EP400: variants seen among roughly 807,000 people sequenced by gnomAD.
EP400 encodes the protein E1A-binding protein p400.
EP400 carries 105 observed loss-of-function variants against 354.1 expected under a neutral mutation model. The ratio of observed to expected loss-of-function variants is 0.30; its 90% confidence interval spans 0.25 to 0.35. The LOEUF (loss-of-function observed/expected upper bound fraction) is 0.35, where lower values mean the gene tolerates loss of function less well. EP400 is among the 10% of genes least tolerant of loss of function. The pLI, the probability that EP400 is intolerant of heterozygous loss-of-function variation, is 1.00. For synonymous variants in EP400, 1,646 were observed against 1,716.9 expected (o/e 0.96, Z 1.02); for missense variants, 3,280 against 4,121.0 (o/e 0.80, Z 5.59).
chr12:131,991,140 T>A (rs1024967142), intron 9 of EP400, among the ~76,000 whole-genome samples: 2 of 152,158 alleles, frequency 1.3e-5, no homozygotes, highest in Non-Finnish European at 2.9e-5. Flanking sequence ...TTCCTTTGCC[T>A]CTGAGGACAC....
At chr12:132,004,702 T>C (rs1010161676) in intron 12 of EP400, among the ~76,000 whole-genome samples, 3 of 152,204 alleles carry the variant, frequency 2.0e-5, no homozygotes, top group Non-Finnish European at 2.9e-5. Context: ...TTTGCATAAA[T>C]TTCAGGGGTG....
Position 132,013,105 on chromosome 12 carries a change from C to T in EP400, c.3538C>T (p.Leu1180=), listed in dbSNP as rs768587029. The change falls in exon 17 of 53, where the codon CTG becomes TTG. Residue 1180 remains leucine, a synonymous_variant. Transcript: ENST00000389561. The surrounding 1 kb of genome is among the most constrained non-coding windows in gnomAD (Gnocchi z 4.5). ...CTTCACACGAGTGCGCTGGAAGTGC[C>T]TGGTCATTGATGAGATGCAGCGCGT... ...TAFTRVRWKC[L]VIDEMQRVKG... is the part of the protein sequence containing the mutation. 7 of 1,614,136 alleles carry T rather than the reference C, an allele frequency of 4.3e-6. No individual in the cohort carries two copies. In the South Asian group the frequency reaches 6.6e-5, roughly 15 times the overall value.
Position 132,043,410 on chromosome 12 carries a change from C to A in EP400, c.6314C>A (p.Pro2105Gln). ...CTGTCATCAGACTCTGAGAACATGC[C>A]GTGTGATGAAGAACCATCCCAATTA... ...DALSSDSENM[P>Q]CDEEPSQLEE... Residue 2105 changes from proline (P) to glutamine (Q), a missense_variant, in exon 33 of 53, where the codon CCG (proline) becomes CAG (glutamine). Pro to Gln is a moderately conservative substitution (Grantham distance 76). This residue lies in a region of EP400 where 54 missense variants were observed against 41.3 expected (regional missense o/e 1.31). Coordinates refer to ENST00000389561, the MANE Select transcript of EP400 (RefSeq NM_015409.5). 1.2e-6 allele frequency: 2 copies of A among 1,613,560 alleles called. No homozygotes were observed. The highest frequency in any genetic ancestry group is 1.1e-5 in the South Asian group (1 of 91,040).
At position 132,029,827 on chromosome 12, in the gene EP400, C is replaced by T; in HGVS notation, c.5508C>T (p.Tyr1836=). ...RQGLREHAAP[Y]FQQLRQTTAP... ...GCCTGAGAGAGCACGCTGCGCCGTACTTCCAGCAGCTGCGGCAGACCACGG... is the reference window on the plus strand; with the variant it reads ...GCCTGAGAGAGCACGCTGCGCCGTATTTCCAGCAGCTGCGGCAGACCACGG... Residue 1836 remains tyrosine (Y), a synonymous_variant, in exon 28 of 53, where the codon TAC becomes TAT. Coordinates refer to ENST00000389561, the MANE Select transcript of EP400 (RefSeq NM_015409.5). The surrounding 1 kb of genome is among the most constrained non-coding windows in gnomAD (Gnocchi z 4.7). 1 of 1,613,360 alleles carries T rather than the reference C, an allele frequency of 6.2e-7. No homozygotes were observed. The highest frequency in any genetic ancestry group is 1.1e-5 in the South Asian group (1 of 91,090).
intron 2 of EP400, among the ~76,000 whole-genome samples, chr12:131,963,828 A>T (rs950306819): frequency 1.3e-5 from 2 of 152,214 alleles, no homozygotes; most frequent in Admixed American, 1.3e-4. Context: ...TAATGATGAC[A>T]CAGATCTTAG....
intron 30 of EP400, 85 bp from the exon 31 acceptor site, chr12:132,037,597 T>C: frequency 9.2e-7 from 1 of 1,081,840 alleles, no homozygotes; most frequent in Admixed American, 1.8e-5. Context: ...CGTGGATTCG[T>C]TGATCACCAT....
chr12:132,053,664 G>A, intron 43 of EP400, 67 bp downstream of exon 43: 1 of 1,421,776 alleles, frequency 7.0e-7, no homozygotes, highest in East Asian at 2.6e-5. Context: ...CTTGATTCAA[G>A]TGCTTTCTGT....
intron 22 of EP400, 21 bp from the exon 23 acceptor site, chr12:132,021,054 CACAA>C (rs1171951888): frequency 6.4e-7 from 1 of 1,566,356 alleles, no homozygotes; most frequent in African/African-American, 1.4e-5. Context: ...AACAGCTTTG[CACAA>C]ACAAACCTTA....
At chr12:132,046,294 C>T (rs1029204254) in intron 39 of EP400, among the ~76,000 whole-genome samples, 5 of 152,114 alleles carry the variant, frequency 3.3e-5, no homozygotes, top group Non-Finnish European at 7.3e-5. Context: ...AAAGACCTCT[C>T]GCTTGGTTTT....
intron 23 of EP400, among the ~76,000 whole-genome samples, chr12:132,023,299 A>ATTTTT (rs767816284): frequency 6.1e-4 from 43 of 71,028 alleles, no homozygotes; most frequent in Non-Finnish European, 8.2e-4. Context: ...TGCCCAGCTA[A>ATTTTT]TTTTTTTTTT....
chr12:132,042,775 T>C (rs1894957241), intron 32 of EP400, among the ~76,000 whole-genome samples: 1 of 152,274 alleles, frequency 6.6e-6, no homozygotes, highest in East Asian at 1.9e-4. Flanking sequence ...TCATTCTAAC[T>C]TGTGTATCTT....
At chr12:131,953,951 A>G (rs1453609161) in intron 1 of EP400, among the ~76,000 whole-genome samples, 1 of 152,052 alleles carries the variant, frequency 6.6e-6, no homozygotes, top group South Asian at 2.1e-4. Flanking sequence ...CGTCTGTACT[A>G]AAAATACAAA....
At chr12:131,996,744 T>C (rs1040534208) in intron 12 of EP400, among the ~76,000 whole-genome samples, 3 of 152,214 alleles carry the variant, frequency 2.0e-5, no homozygotes, top group African/African-American at 7.2e-5. Context: ...ATTTGCACTT[T>C]TGTGATAACT....
rs538535687 is a variant in EP400 at position 132,076,142 on chromosome 12, C to T, written c.9022-374C>T. On this transcript the variant is annotated intron_variant, in intron 51 of 52. Coordinates refer to ENST00000389561, the MANE Select transcript of EP400 (RefSeq NM_015409.5). ...TGCACTGTACAGCTCATTACTGGAA[C>T]GTCGTCCAGGCCTGTCATATGCAGA... is the stretch of plus-strand genomic sequence containing the variant. 39 of 365,976 alleles carry T rather than the reference C, an allele frequency of 1.1e-4. No homozygotes were observed. In the East Asian group the frequency reaches 1.6e-3, roughly 15 times the overall value. 22.7% of individuals were successfully genotyped at this position (365,976 alleles called of 1,614,324 possible).
chr12:132,041,649 C>T (rs1287282111), intron 32 of EP400, among the ~76,000 whole-genome samples: 2 of 152,062 alleles, frequency 1.3e-5, no homozygotes, highest in South Asian at 2.1e-4. Flanking sequence ...TTGGTAAGCA[C>T]GTATGTGCAA....
intron 16 of EP400, 121 bp downstream of exon 16, chr12:132,011,755 T>C (rs945766685): frequency 4.8e-6 from 6 of 1,243,340 alleles, no homozygotes; most frequent in Non-Finnish European, 5.5e-6. Flanking sequence ...CACTCATTCA[T>C]GAGTTAACAG....
chr12:131,964,127 T>A (rs1891995674), intron 2 of EP400, among the ~76,000 whole-genome samples: 1 of 152,200 alleles, frequency 6.6e-6, no homozygotes, highest in South Asian at 2.1e-4. Context: ...GAATGCAAAC[T>A]GATTATTTTT....
intron 15 of EP400, among the ~76,000 whole-genome samples, chr12:132,011,126 T>G (rs1412249792): frequency 1.3e-5 from 2 of 152,224 alleles, no homozygotes; most frequent in Non-Finnish European, 2.9e-5. Context: ...GAGCAGGGTC[T>G]GGGGCTCTCT....
In EP400 at chr12:132,017,162, C is replaced by G. The variant is rs149486536; in HGVS notation, c.3924-373C>G. On this transcript the variant is annotated intron_variant, in intron 19 of 52. Transcript: ENST00000389561. The surrounding 1 kb of genome is among the most constrained non-coding windows in gnomAD (Gnocchi z 5.0). Reference sequence around the variant, plus strand: ...CCTGCAGGGCCAGTGTAGGACCAGGCGTCAGAGCTGCCGAGCGGGTGTGTG... The same window carrying G: ...CCTGCAGGGCCAGTGTAGGACCAGGGGTCAGAGCTGCCGAGCGGGTGTGTG... 6.7e-6 allele frequency among the ~76,000 whole-genome samples: 1 copy of G among 150,160 alleles called. No individual in the cohort carries two copies. Among genetic ancestry groups the G allele is most frequent in the Admixed American group, 6.5e-5 (1 of 15,272 alleles).
Sources: allele counts gnomAD v4.1 joint callset (sites outside exome capture counted in the v4.1 genomes callset), GRCh38; gene constraint gnomAD v4.1.1; regional missense constraint gnomAD v4.1.1; non-coding constraint Gnocchi (gnomAD v3.1); transcripts MANE v1.5; gene names NCBI Gene and HGNC (gene_info 2026-07-23, HGNC 2026-07-21).